The following PRKN variants were observed in gnomAD, a reference collection of about 807,000 sequenced individuals.
PRKN encodes the protein parkin RBR E3 ubiquitin protein ligase.
In PRKN, 56 loss-of-function variants were observed where a neutral mutation model predicts 59.5. The ratio of observed to expected loss-of-function variants is 0.94; its 90% CI spans 0.76 to 1.18. The LOEUF is 1.18. Ranked by LOEUF, PRKN falls within the 50% of genes most tolerant of loss-of-function variation. The probability of loss-of-function intolerance (pLI) is 0.00; values close to 1 mark genes in which losing one functional copy is unlikely to be tolerated. For synonymous variants in PRKN, 250 were observed against 222.1 expected, an observed-to-expected ratio of 1.13 and a Z score of -1.12; for missense variants, 657 against 596.4, an observed-to-expected ratio of 1.10 and a Z score of -1.06.
intron 6 of PRKN, among the ~76,000 whole-genome samples, chr6:161,922,899 A>C (rs1185974340): frequency 6.6e-6 from 1 of 152,254 alleles, no homozygotes; most frequent in Admixed American, 6.5e-5. Context: ...TTAACTCATA[A>C]AAAATGCATG....
chr6:162,458,977 C>T (rs1467864830), intron 1 of PRKN, among the ~76,000 whole-genome samples: 1 of 152,036 alleles, frequency 6.6e-6, no homozygotes, highest in Admixed American at 6.6e-5. Flanking sequence ...TGCACCACCA[C>T]ACCTGGCTAA....
At chr6:161,761,483 A>G (rs947304289) in intron 7 of PRKN, among the ~76,000 whole-genome samples, 1 of 152,242 alleles carries the variant, frequency 6.6e-6, no homozygotes, top group Non-Finnish European at 1.5e-5. Context: ...TACCAGATGC[A>G]CAAGTTACAG....
At chr6:161,957,917 C>G (rs1326061747) in intron 6 of PRKN, among the ~76,000 whole-genome samples, 5 of 152,198 alleles carry the variant, frequency 3.3e-5, no homozygotes, top group African/African-American at 1.2e-4. Flanking sequence ...TTAACCATCT[C>G]TCTTGTAGAG....
chr6:162,384,317 AG>A (rs1190263606), intron 2 of PRKN, among the ~76,000 whole-genome samples: 1 of 152,180 alleles, frequency 6.6e-6, no homozygotes, highest in Non-Finnish European at 1.5e-5. Context: ...AGGCCACTGT[AG>A]GATTATTAGC....
At chr6:161,559,083 A>AC (rs1780356929) in intron 8 of PRKN, among the ~76,000 whole-genome samples, 1 of 151,452 alleles carries the variant, frequency 6.6e-6, no homozygotes, top group South Asian at 2.1e-4. Flanking sequence ...AACAAAAAAA[A>AC]CAAGCAACAG....
At chr6:161,855,151 GA>G (rs1793601202) in intron 6 of PRKN, among the ~76,000 whole-genome samples, 1 of 148,770 alleles carries the variant, frequency 6.7e-6, no homozygotes, top group African/African-American at 2.5e-5. Flanking sequence ...CCTTGCACCA[GA>G]ACCACCTGGA....
chr6:161,567,745 T>C (rs1457974783), intron 8 of PRKN, among the ~76,000 whole-genome samples: 2 of 152,222 alleles, frequency 1.3e-5, no homozygotes, highest in Non-Finnish European at 2.9e-5. Flanking sequence ...AGATGATTAC[T>C]GTTGGCTTCT....
chr6:162,258,272 T>C (rs1172873916), intron 3 of PRKN, among the ~76,000 whole-genome samples: 1 of 152,254 alleles, frequency 6.6e-6, no homozygotes, highest in Non-Finnish European at 1.5e-5. Flanking sequence ...CTGTTTCTAT[T>C]TTCTGCTACA....
chr6:161,896,858 T>C (rs991163829), intron 6 of PRKN, among the ~76,000 whole-genome samples: 5 of 152,198 alleles, frequency 3.3e-5, no homozygotes, highest in African/African-American at 1.2e-4. Context: ...GGTCATGTTC[T>C]ATTCCTAGAT....
chr6:162,035,302 C>T (rs1483582887), intron 5 of PRKN, among the ~76,000 whole-genome samples: 1 of 152,170 alleles, frequency 6.6e-6, no homozygotes, highest in Non-Finnish European at 1.5e-5. Context: ...ACTCGAACAT[C>T]TCCCACCAGG....
intron 1 of PRKN, among the ~76,000 whole-genome samples, chr6:162,463,068 C>CA (rs552790278): frequency 2.5e-4 from 36 of 145,098 alleles, no homozygotes; most frequent in Middle Eastern, 3.5e-3. Flanking sequence ...GACTCCGTCT[C>CA]AAAAAAAACA....
chr6:161,504,771 G>A (rs1583163451), intron 9 of PRKN, among the ~76,000 whole-genome samples: 3 of 149,446 alleles, frequency 2.0e-5, no homozygotes, highest in South Asian at 2.1e-4. Context: ...GAGAATATGC[G>A]GTGTTTGGTT....
intron 2 of PRKN, among the ~76,000 whole-genome samples, chr6:162,267,857 A>G (rs1164299043): frequency 6.6e-6 from 1 of 152,162 alleles, no homozygotes; most frequent in Non-Finnish European, 1.5e-5. Flanking sequence ...ACATTATCCA[A>G]TAATATACAA....
In PRKN at chr6:162,152,564, C is replaced by T. The variant is rs183504934; in HGVS notation, c.534+48567G>A. 1.3e-3 allele frequency among the ~76,000 whole-genome samples: 198 copies of T among 152,290 alleles called. 2 individuals are homozygous for T. Among genetic ancestry groups the T allele is most frequent in the African/African-American group, 4.5e-3 (189 of 41,548 alleles). ...TTCTTCCACATGCATACTGCAGGAA[C>T]ACAATATAAATTTCATGATAACAAG... is the stretch of plus-strand genomic sequence containing the variant. On this transcript the variant is annotated intron_variant, in intron 4 of 11. Transcript: ENST00000366898.
intron 2 of PRKN, among the ~76,000 whole-genome samples, chr6:162,435,841 G>A (rs962171856): frequency 6.6e-6 from 1 of 152,084 alleles, no homozygotes; most frequent in Non-Finnish European, 1.5e-5. Context: ...GGGTATAATG[G>A]TATTGAGCCT....
At chr6:161,736,443 T>G (rs1787966858) in intron 7 of PRKN, among the ~76,000 whole-genome samples, 1 of 152,230 alleles carries the variant, frequency 6.6e-6, no homozygotes, top group African/African-American at 2.4e-5. Context: ...GTTCAGTGGC[T>G]AATCGGTTGT....
intron 5 of PRKN, among the ~76,000 whole-genome samples, chr6:162,012,970 T>C (rs769617679): frequency 1.3e-5 from 2 of 152,180 alleles, no homozygotes; most frequent in East Asian, 3.9e-4. Context: ...TTATGTTGAA[T>C]AAGTGTTTTC....
intron 1 of PRKN, among the ~76,000 whole-genome samples, chr6:162,501,846 C>T (rs1239292844): frequency 1.3e-5 from 2 of 152,170 alleles, no homozygotes; most frequent in African/African-American, 2.4e-5. Context: ...ACAGCTCGCA[C>T]CAAGTATTCA....
At position 162,026,471 on chromosome 6, in the gene PRKN, C is replaced by G. The variant is rs189391046; in HGVS notation, c.618+27620G>C. On this transcript the variant is annotated intron_variant, in intron 5 of 11. Transcript: ENST00000366898. ...CACGTATGTCCTGCAATCTTGTGGA[C>G]CTGTAAGCTCTTCATGCATTAAGAC... 2.7e-3 allele frequency among the ~76,000 whole-genome samples: 409 copies of G among 152,236 alleles called. 2 individuals carry two copies. Among genetic ancestry groups the G allele is most frequent in the Non-Finnish European group, 4.0e-3 (275 of 68,024 alleles).
Sources: allele counts gnomAD v4.1 joint callset (sites outside exome capture counted in the v4.1 genomes callset), GRCh38; gene constraint gnomAD v4.1.1; transcripts MANE v1.5; gene names NCBI Gene and HGNC (gene_info 2026-07-23, HGNC 2026-07-21).